Variants in LINGO2 observed in about 807,000 individuals in gnomAD.
LINGO2 encodes leucine rich repeat and Ig domain containing 2, also known as leucine-rich repeat and immunoglobulin-like domain-containing nogo receptor-interacting protein 2.
LINGO2 carries 14 observed loss-of-function variants against 30.6 expected under a neutral mutation model. The ratio of observed to expected loss-of-function variants is 0.46; its 90% CI spans 0.30 to 0.72. The LOEUF (loss-of-function observed/expected upper bound fraction) is 0.72. Among genes scored for constraint, LINGO2 ranks in the 30% least tolerant of loss-of-function variants. The probability of loss-of-function intolerance (pLI) is 0.07; values close to 1 mark genes in which losing one functional copy is unlikely to be tolerated. For synonymous variants in LINGO2, 317 were observed against 288.5 expected, an observed-to-expected ratio of 1.10 and a Z score of -1.00; for missense variants, 729 against 751.7, an observed-to-expected ratio of 0.97 and a Z score of 0.35.
chr9:28,897,538 GTTGT>G, the LINGO2 span, among the ~76,000 whole-genome samples: 24 of 152,032 alleles, frequency 1.6e-4, no homozygotes, highest in East Asian at 9.6e-4. Flanking sequence ...TTTTGTTGTT[GTTGT>G]TTGTTTGTTT....
intron 1 of LINGO2, among the ~76,000 whole-genome samples, chr9:28,623,254 G>T (rs1325063502): frequency 6.6e-6 from 1 of 151,946 alleles, no homozygotes; most frequent in Non-Finnish European, 1.5e-5. Context: ...TATTACTGAA[G>T]AAATTTTTGC....
chr9:28,242,938 T>C (rs1481460678), intron 4 of LINGO2, among the ~76,000 whole-genome samples: 3 of 152,130 alleles, frequency 2.0e-5, no homozygotes, highest in Non-Finnish European at 4.4e-5. Context: ...GAATTCGTCA[T>C]TACCAGGCCT....
chr9:28,617,796 G>C lies in LINGO2; in HGVS notation c.-365+52404C>G, dbSNP rs773025292. ...TAGAATGAAAAATGTAATTTTAATA[G>C]GACACCTGTATTTCATATTAACTAA... On this transcript the variant is annotated intron_variant, in intron 1 of 5. Transcript: ENST00000379992. 5.3e-5 allele frequency among the ~76,000 whole-genome samples: 8 copies of C among 151,830 alleles called. 1 individual carries two copies. Among genetic ancestry groups the C allele is most frequent in the South Asian group, 4.2e-4 (2 of 4,816 alleles).
At chr9:28,616,437 T>C (rs1826134916) in intron 1 of LINGO2, among the ~76,000 whole-genome samples, 1 of 152,134 alleles carries the variant, frequency 6.6e-6, no homozygotes, top group Non-Finnish European at 1.5e-5. Flanking sequence ...AAGTGATGTG[T>C]CTGAAGGTGA....
chr9:28,631,214 G>T (rs1826922335), intron 1 of LINGO2, among the ~76,000 whole-genome samples: 1 of 151,522 alleles, frequency 6.6e-6, no homozygotes, highest in African/African-American at 2.4e-5. Context: ...CAAGGTGCAG[G>T]TTTGTTACAT....
the LINGO2 span, among the ~76,000 whole-genome samples, chr9:28,706,105 C>T: frequency 3.3e-5 from 5 of 152,212 alleles, no homozygotes; most frequent in East Asian, 3.9e-4. Context: ...TATAACCTCA[C>T]GCTAGGAAGC....
chr9:28,233,061 T>TATATATATATATATATATATATAA (rs60875467), intron 4 of LINGO2, among the ~76,000 whole-genome samples: 20 of 118,812 alleles, frequency 1.7e-4, no homozygotes, highest in South Asian at 5.2e-4. Context: ...TATATATATA[T>TATATATATATATATATATATATAA]TAGATATATA....
At position 28,457,557 on chromosome 9, in the gene LINGO2, G is replaced by A. The variant is rs138478288; in HGVS notation, c.-279+18383C>T. Among the ~76,000 whole-genome samples, 182 of 151,726 alleles carry A rather than the reference G, an allele frequency of 1.2e-3. 2 individuals carry two copies. Among genetic ancestry groups the A allele is most frequent in the African/African-American group, 4.2e-3 (175 of 41,374 alleles). On this transcript the variant is annotated intron_variant, in intron 2 of 5. Coordinates refer to ENST00000379992, the Ensembl canonical transcript of LINGO2. ...AGACTCACTAGTGGCTGGGACTACA[G>A]GTATGTGCCACTATGCCCAGCTAAT...
At chr9:28,565,342 C>G (rs958424077) in intron 1 of LINGO2, among the ~76,000 whole-genome samples, 7 of 151,434 alleles carry the variant, frequency 4.6e-5, no homozygotes, top group Non-Finnish European at 1.0e-4. Flanking sequence ...CGCCTGCCAC[C>G]ACGCCCGGGT....
chr9:29,054,218 T>C, the LINGO2 span, among the ~76,000 whole-genome samples: 1 of 152,146 alleles, frequency 6.6e-6, no homozygotes, highest in Admixed American at 6.6e-5. Flanking sequence ...CAAAACTAAA[T>C]ATGCTTAATT....
At chr9:28,083,765 A>T (rs554482040) in intron 4 of LINGO2, among the ~76,000 whole-genome samples, 11 of 152,202 alleles carry the variant, frequency 7.2e-5, no homozygotes, top group Non-Finnish European at 1.3e-4. Flanking sequence ...TCAGAAGGCC[A>T]TCAGATATAT....
intron 1 of LINGO2, among the ~76,000 whole-genome samples, chr9:28,645,412 C>T (rs539723695): frequency 1.3e-5 from 2 of 152,072 alleles, no homozygotes; most frequent in Admixed American, 1.3e-4. Context: ...AAATAGAAAT[C>T]AAGCTTTAAA....
At chr9:28,826,577 C>T in the LINGO2 span, among the ~76,000 whole-genome samples, 5 of 152,092 alleles carry the variant, frequency 3.3e-5, no homozygotes, top group East Asian at 9.6e-4. Context: ...AGGATTATTG[C>T]TGGCTGTGTC....
chr9:28,192,016 C>T (rs773258051), intron 4 of LINGO2, among the ~76,000 whole-genome samples: 3 of 151,942 alleles, frequency 2.0e-5, no homozygotes, highest in African/African-American at 4.8e-5. Context: ...CTTGAAAGCC[C>T]GACTTGTATT....
intron 1 of LINGO2, among the ~76,000 whole-genome samples, chr9:28,545,980 A>G (rs1821918415): frequency 6.6e-6 from 1 of 152,080 alleles, no homozygotes; most frequent in Non-Finnish European, 1.5e-5. Flanking sequence ...TTTATATTCT[A>G]TGTCACTACT....
At chr9:28,034,619 T>C (rs943837446) in intron 4 of LINGO2, among the ~76,000 whole-genome samples, 1 of 152,192 alleles carries the variant, frequency 6.6e-6, no homozygotes, top group Non-Finnish European at 1.5e-5. Context: ...TAGAACAAAC[T>C]GAAAACTCAT....
the LINGO2 span, among the ~76,000 whole-genome samples, chr9:28,870,905 G>A: frequency 6.6e-6 from 1 of 152,006 alleles, no homozygotes; most frequent in African/African-American, 2.4e-5. Flanking sequence ...AGCCAAAGGC[G>A]ACAGAAAATA....
At chr9:28,350,563 AC>A (rs1819826260) in intron 3 of LINGO2, among the ~76,000 whole-genome samples, 1 of 145,354 alleles carries the variant, frequency 6.9e-6, no homozygotes, top group Non-Finnish European at 1.5e-5. Flanking sequence ...AGACTTTAAC[AC>A]CCCACTGTCA....
intron 4 of LINGO2, among the ~76,000 whole-genome samples, chr9:28,087,005 C>T (rs1317966046): frequency 1.3e-5 from 2 of 152,056 alleles, no homozygotes; most frequent in Non-Finnish European, 2.9e-5. Context: ...GACAATGTGC[C>T]AGTTTCAAGC....
Sources: allele counts gnomAD v4.1 joint callset (sites outside exome capture counted in the v4.1 genomes callset), GRCh38; gene constraint gnomAD v4.1.1; transcripts MANE v1.5; gene names NCBI Gene and HGNC (gene_info 2026-07-23, HGNC 2026-07-21).